The following NXPE4 variants were observed in gnomAD, a reference collection of about 807,000 sequenced individuals.
NXPE4 encodes the protein NXPE family member 4.
A neutral mutation model predicts 33.3 loss-of-function variants in NXPE4; 42 were observed. That is an observed-to-expected ratio of 1.26 (90% CI 0.98 to 1.63). NXPE4 has a LOEUF of 1.63. Among genes scored for constraint, NXPE4 ranks in the 40% most tolerant of loss-of-function variants. NXPE4 has a pLI of 0.00. For missense variants in NXPE4, 709 were observed against 647.6 expected, an observed-to-expected ratio of 1.09 and a Z score of -1.03; for synonymous variants, 253 against 234.9, an observed-to-expected ratio of 1.08 and a Z score of -0.71.
chr11:114,664,145 A>G, the NXPE4 span, among the ~76,000 whole-genome samples: 4 of 152,222 alleles, frequency 2.6e-5, no homozygotes, highest in African/African-American at 9.6e-5. Context: ...GACTAATTAA[A>G]CAAGCTGGGA....
At chr11:114,629,644 C>T in the NXPE4 span, among the ~76,000 whole-genome samples, 1 of 152,046 alleles carries the variant, frequency 6.6e-6, no homozygotes, top group South Asian at 2.1e-4. Context: ...CACTCCTATT[C>T]ATCAGAGTGT....
chr11:114,651,283 G>A, the NXPE4 span, among the ~76,000 whole-genome samples: 4 of 151,810 alleles, frequency 2.6e-5, no homozygotes, highest in Admixed American at 6.6e-5. Context: ...CGGTGGGTTC[G>A]TGGTCTCGCT....
chr11:114,627,444 C>T, the NXPE4 span, among the ~76,000 whole-genome samples: 1 of 149,828 alleles, frequency 6.7e-6, no homozygotes, highest in African/African-American at 2.5e-5. Flanking sequence ...AGGAGAAATA[C>T]AATACTTTAC....
the NXPE4 span, among the ~76,000 whole-genome samples, chr11:114,656,721 A>G: frequency 6.6e-6 from 1 of 152,170 alleles, no homozygotes; most frequent in Non-Finnish European, 1.5e-5. Flanking sequence ...TCATGAAATT[A>G]ATTATATGAA....
chr11:114,594,861 A>G (rs113752574), intron 1 of NXPE4, 92 bp from the exon 2 acceptor site: 2 of 689,052 alleles, frequency 2.9e-6, no homozygotes, highest in Admixed American at 5.4e-5. Flanking sequence ...TTTTTGGCTC[A>G]TGATTACTTT....
chr11:114,649,319 A>C, the NXPE4 span, among the ~76,000 whole-genome samples: 1 of 152,240 alleles, frequency 6.6e-6, no homozygotes, highest in South Asian at 2.1e-4. Context: ...GTAGCAAAAA[A>C]TTAGAGAAAA....
the NXPE4 span, among the ~76,000 whole-genome samples, chr11:114,635,081 T>A: frequency 1.0e-3 from 152 of 152,002 alleles, 1 homozygote; most frequent in Admixed American, 8.3e-3. Flanking sequence ...CGATATTGAT[T>A]CTTCCTACCC....
chr11:114,574,624 CA>C (rs1272160663), intron 5 of NXPE4, among the ~76,000 whole-genome samples: 1 of 152,052 alleles, frequency 6.6e-6, no homozygotes, highest in Non-Finnish European at 1.5e-5. Context: ...TGGAAATATA[CA>C]ACCCTCCTAG....
At chr11:114,623,337 G>T in the NXPE4 span, among the ~76,000 whole-genome samples, 1 of 152,046 alleles carries the variant, frequency 6.6e-6, no homozygotes, top group Non-Finnish European at 1.5e-5. Context: ...TTACCTGGTG[G>T]AAAATAAGTA....
intron 2 of NXPE4, chr11:114,583,728 C>A (rs1949211491): frequency 1.9e-6 from 1 of 537,366 alleles, no homozygotes; most frequent in South Asian, 1.5e-5. Flanking sequence ...ACAATCTGGG[C>A]CACCTTGGAA....
At chr11:114,620,458 T>C in the NXPE4 span, among the ~76,000 whole-genome samples, 1 of 152,206 alleles carries the variant, frequency 6.6e-6, no homozygotes, top group East Asian at 1.9e-4. Flanking sequence ...GTATTAATTG[T>C]TGCCTCTAGG....
At chr11:114,651,626 T>C in the NXPE4 span, among the ~76,000 whole-genome samples, 1 of 152,210 alleles carries the variant, frequency 6.6e-6, no homozygotes, top group Non-Finnish European at 1.5e-5. Flanking sequence ...TACAGAGCAC[T>C]GATTGGCCCA....
intron 5 of NXPE4, 78 bp from the exon 6 acceptor site, chr11:114,571,551 T>C: frequency 8.0e-7 from 1 of 1,249,554 alleles, no homozygotes; most frequent in South Asian, 1.5e-5. Context: ...ATGGAAGAGA[T>C]TTGATTGGTA....
upstream of NXPE4, among the ~76,000 whole-genome samples, chr11:114,597,228 A>C (rs1290255541): frequency 6.6e-6 from 1 of 152,188 alleles, no homozygotes; most frequent in Non-Finnish European, 1.5e-5. Flanking sequence ...TGAAATAATA[A>C]AAAATGTTTG....
chr11:114,571,228 G>A lies in NXPE4; in HGVS notation c.1345C>T (p.Arg449Ter), dbSNP rs750280300. The A allele has an allele frequency of 2.5e-5, 41 of 1,613,832 alleles. No individual in the cohort carries two copies. Among genetic ancestry groups the A allele is most frequent in the East Asian group, 2.0e-4 (9 of 44,890 alleles). ...GCTTTGTGGACATTGAGGGCCCTTC[G>A]GATAAAAACATCAATGGGAAAGGGT... Reference protein sequence around the residue: ...FRPFPIDVFIRRALNVHKAIQ... With the variant: ...FRPFPIDVFI Residue 449 changes from arginine (R) to a stop codon, truncating the protein, a stop_gained, in exon 6 of 6, where the codon CGA (arginine) becomes TGA (stop). Transcript: ENST00000375478. LOFTEE classifies it low-confidence loss of function (END_TRUNC).
the NXPE4 span, among the ~76,000 whole-genome samples, chr11:114,630,184 T>C: frequency 1.3e-5 from 2 of 151,756 alleles, no homozygotes; most frequent in African/African-American, 2.4e-5. Context: ...TTAAAGTTCA[T>C]ATGGAACCAA....
the NXPE4 span, among the ~76,000 whole-genome samples, chr11:114,659,098 T>C: frequency 2.6e-5 from 4 of 152,328 alleles, no homozygotes; most frequent in East Asian, 7.7e-4. Flanking sequence ...CTGGACTGAC[T>C]AGATTGAGTC....
the NXPE4 span, among the ~76,000 whole-genome samples, chr11:114,632,568 C>A: frequency 9.3e-6 from 1 of 107,862 alleles, no homozygotes; most frequent in African/African-American, 3.7e-5. Context: ...TATATATTTA[C>A]ATATATCATA....
intron 1 of NXPE4, among the ~76,000 whole-genome samples, chr11:114,594,990 T>C (rs1949547556): frequency 1.3e-5 from 2 of 152,122 alleles, no homozygotes. Flanking sequence ...AGATAATTCA[T>C]GGAGCCCACT....
Sources: allele counts gnomAD v4.1 joint callset (sites outside exome capture counted in the v4.1 genomes callset), GRCh38; gene constraint gnomAD v4.1.1; transcripts MANE v1.5; gene names NCBI Gene and HGNC (gene_info 2026-07-23, HGNC 2026-07-21).